GPR158: variants seen among roughly 807,000 people sequenced by gnomAD.
GPR158 encodes the protein metabotropic glycine receptor.
In GPR158, 30 loss-of-function variants were observed where a neutral mutation model predicts 78.2. That is an observed-to-expected ratio of 0.38 (90% CI 0.29 to 0.52). GPR158 has a LOEUF of 0.52. Ranked by LOEUF, GPR158 falls within the 20% of genes least tolerant of loss-of-function variation. The pLI, the probability that GPR158 is intolerant of heterozygous loss-of-function variation, is 0.83. For synonymous variants in GPR158, 581 were observed against 591.1 expected (o/e 0.98, Z 0.25); for missense variants, 1,463 against 1,523.5 (o/e 0.96, Z 0.66).
intron 4 of GPR158, among the ~76,000 whole-genome samples, chr10:25,452,578 A>G (rs988638800): frequency 1.3e-5 from 2 of 152,210 alleles, no homozygotes; most frequent in Non-Finnish European, 2.9e-5. Context: ...AATCAAAGAA[A>G]TAGATAAAGG....
At chr10:25,329,245 G>A (rs190824778) in intron 2 of GPR158, among the ~76,000 whole-genome samples, 11 of 152,036 alleles carry the variant, frequency 7.2e-5, no homozygotes, top group African/African-American at 2.7e-4. Flanking sequence ...GACCATCCTG[G>A]CTAACACGGT....
At chr10:25,543,269 C>T (rs1212102898) in intron 5 of GPR158, among the ~76,000 whole-genome samples, 1 of 151,978 alleles carries the variant, frequency 6.6e-6, no homozygotes, top group Non-Finnish European at 1.5e-5. Flanking sequence ...TACAAGTGTT[C>T]ACCACCCTGC....
chr10:25,433,436 T>C (rs1834940081), intron 4 of GPR158, among the ~76,000 whole-genome samples: 1 of 152,116 alleles, frequency 6.6e-6, no homozygotes, highest in Non-Finnish European at 1.5e-5. Flanking sequence ...ATATGTTCCT[T>C]GGCCCTGCTC....
chr10:25,222,261 C>T (rs932781705), intron 2 of GPR158, among the ~76,000 whole-genome samples: 1 of 152,036 alleles, frequency 6.6e-6, no homozygotes, highest in African/African-American at 2.4e-5. Flanking sequence ...GCCATACATT[C>T]CACACACACT....
intron 3 of GPR158, among the ~76,000 whole-genome samples, chr10:25,408,397 T>C (rs1834542897): frequency 6.6e-6 from 1 of 152,186 alleles, no homozygotes; most frequent in African/African-American, 2.4e-5. Context: ...TTTTTGGTTG[T>C]TTCTGATGGG....
chr10:25,359,950 C>T (rs1052751754), intron 2 of GPR158, among the ~76,000 whole-genome samples: 1 of 152,108 alleles, frequency 6.6e-6, no homozygotes, highest in Non-Finnish European at 1.5e-5. Flanking sequence ...TAATGATTGC[C>T]ATTCTAACTG....
intron 5 of GPR158, among the ~76,000 whole-genome samples, chr10:25,489,591 A>G (rs545219837): frequency 2.0e-5 from 3 of 152,194 alleles, no homozygotes; most frequent in African/African-American, 7.2e-5. Flanking sequence ...TGGTCTCCTC[A>G]ACTCTCTACC....
chr10:25,285,941 A>C (rs908949073), intron 2 of GPR158, among the ~76,000 whole-genome samples: 1 of 152,194 alleles, frequency 6.6e-6, no homozygotes, highest in African/African-American at 2.4e-5. Flanking sequence ...TCAGCACTTT[A>C]AAGGTGGCAT....
In GPR158 at chr10:25,175,551, C is replaced by G; in HGVS notation, c.131C>G (p.Pro44Arg). ...SPRERTPKGK[P>R]HAQQPGRASA... Reference sequence around the variant, plus strand: ...CGAGAGAGGACCCCGAAGGGGAAGCCGCACGCCCAGCAGCCGGGTCGAGCC... The same window carrying G: ...CGAGAGAGGACCCCGAAGGGGAAGCGGCACGCCCAGCAGCCGGGTCGAGCC... Residue 44 changes from proline (P) to arginine (R), a missense_variant, in exon 1 of 11, where the codon CCG becomes CGG. Physicochemically the swap from Pro to Arg is moderately radical, Grantham distance 103. Coordinates refer to ENST00000376351, the MANE Select transcript of GPR158 (RefSeq NM_020752.3). The surrounding 1 kb of genome is among the most constrained non-coding windows in gnomAD (Gnocchi z 6.4). 1 of 1,611,494 alleles carries G rather than the reference C, an allele frequency of 6.2e-7. No individual in the cohort carries two copies. The highest frequency in any genetic ancestry group is 8.5e-7 in the Non-Finnish European group (1 of 1,179,856).
chr10:25,296,367 T>C (rs1432548227), intron 2 of GPR158, among the ~76,000 whole-genome samples: 1 of 152,104 alleles, frequency 6.6e-6, no homozygotes, highest in Non-Finnish European at 1.5e-5. Context: ...GGGGATCTGG[T>C]AGGGGTATCA....
chr10:25,344,865 A>G (rs970357327), intron 2 of GPR158, among the ~76,000 whole-genome samples: 4 of 152,014 alleles, frequency 2.6e-5, no homozygotes, highest in African/African-American at 9.7e-5. Flanking sequence ...TCAAGGTGCC[A>G]GCAGATTTTC....
chr10:25,302,375 C>T lies in GPR158; in HGVS notation c.1008+81218C>T, dbSNP rs1034087105. Among the ~76,000 whole-genome samples the T allele has an allele frequency of 7.9e-5, 12 of 152,048 alleles. 1 individual carries two copies. Among genetic ancestry groups the T allele is most frequent in the South Asian group, 2.1e-4 (1 of 4,830 alleles). ...CTGGGATTACAGGCGTGAGCCACCG[C>T]GCCCGGCCATTTGTTCCTTTTTATT... is the stretch of plus-strand genomic sequence containing the variant. On this transcript the variant is annotated intron_variant, in intron 2 of 10. Coordinates refer to ENST00000376351, the MANE Select transcript of GPR158 (RefSeq NM_020752.3).
At position 25,507,156 on chromosome 10, in the gene GPR158, G is replaced by T. The variant is rs564306792; in HGVS notation, c.1404+40437G>T. 7.2e-5 allele frequency among the ~76,000 whole-genome samples: 11 copies of T among 152,324 alleles called. No homozygotes were observed. The South Asian group carries it at 2.3e-3, about 32-fold the overall frequency. On this transcript the variant is annotated intron_variant, in intron 5 of 10. Transcript: ENST00000376351. ...CTAGCCATAGGACAGATGGAAAGGA[G>T]AATGTGGCAAAGTACACACTGGCTC...
intron 1 of GPR158, among the ~76,000 whole-genome samples, chr10:25,184,769 AG>A (rs1564385057): frequency 6.6e-6 from 1 of 152,254 alleles, no homozygotes; most frequent in African/African-American, 2.4e-5. Flanking sequence ...TCACAATGGA[AG>A]TTACTTCTTA....
chr10:25,212,627 C>CTTTTTTTTTTTTTTTTTTTTTTT (rs10642944), intron 1 of GPR158, among the ~76,000 whole-genome samples: 3 of 78,570 alleles, frequency 3.8e-5, no homozygotes, highest in Non-Finnish European at 4.6e-5. Context: ...GAATTTATAG[C>CTTTTTTTTTTTTTTTTTTTTTTT]TTTTTTTTTT....
At chr10:25,593,781 A>G (rs890078729) in intron 8 of GPR158, among the ~76,000 whole-genome samples, 3 of 152,114 alleles carry the variant, frequency 2.0e-5, no homozygotes, top group Non-Finnish European at 4.4e-5. Flanking sequence ...ATAAACCATT[A>G]GTATGTTTCA....
At chr10:25,232,861 G>T (rs1219214288) in intron 2 of GPR158, among the ~76,000 whole-genome samples, 1 of 152,160 alleles carries the variant, frequency 6.6e-6, no homozygotes, top group Non-Finnish European at 1.5e-5. Flanking sequence ...AAATGCACAA[G>T]ATTTTTGTAT....
At chr10:25,296,037 T>C (rs1489070724) in intron 2 of GPR158, among the ~76,000 whole-genome samples, 1 of 124,948 alleles carries the variant, frequency 8.0e-6, no homozygotes, top group Non-Finnish European at 1.7e-5. Flanking sequence ...GAGAAAAGCA[T>C]AGCAGGGGCA....
intron 2 of GPR158, among the ~76,000 whole-genome samples, chr10:25,325,686 A>G (rs1855019983): frequency 6.6e-6 from 1 of 152,144 alleles, no homozygotes; most frequent in South Asian, 2.1e-4. Context: ...AGGAGCTTTC[A>G]TACCATTTTT....
Sources: gnomAD v4.1 joint callset for allele counts (sites outside exome capture counted in the v4.1 genomes callset) on GRCh38, gnomAD v4.1.1 for gene constraint, Gnocchi (gnomAD v3.1) non-coding constraint, MANE v1.5 for transcripts, NCBI Gene and HGNC (gene_info 2026-07-23, HGNC 2026-07-21) for gene names.